Variants in VEGFA observed in about 807,000 individuals in gnomAD.
The protein encoded by VEGFA is vascular endothelial growth factor A.
VEGFA carries 20 observed loss-of-function variants against 49.7 expected under a neutral mutation model. The ratio of observed to expected loss-of-function variants is 0.40; its 90% CI spans 0.28 to 0.58. The LOEUF is 0.58. VEGFA is among the 20% of genes least tolerant of loss of function. VEGFA has a pLI of 0.40. For missense variants in VEGFA, 505 were observed against 553.5 expected, an observed-to-expected ratio of 0.91 and a Z score of 0.88; for synonymous variants, 219 against 223.4, an observed-to-expected ratio of 0.98 and a Z score of 0.18.
At chr6:43,779,503 G>T (rs191946015) in intron 5 of VEGFA, 21 of 378,444 alleles carry the variant, frequency 5.5e-5, no homozygotes, top group African/African-American at 4.0e-4. Context: ...TGGGGTGGGG[G>T]ACAAGGTCTG....
chr6:43,771,688 G>A (rs1395675601), intron 1 of VEGFA, among the ~76,000 whole-genome samples: 1 of 152,168 alleles, frequency 6.6e-6, no homozygotes, highest in African/African-American at 2.4e-5. Context: ...CTGAGCAGCG[G>A]GGGCGGGAGC....
At chr6:43,779,220 C>T (rs1467043901) in intron 5 of VEGFA, 4 of 534,306 alleles carry the variant, frequency 7.5e-6, no homozygotes, top group Non-Finnish European at 1.3e-5. Flanking sequence ...ACTGTGGACA[C>T]TGGCTCACTG....
At chr6:43,779,027 C>G (rs1766414047) in intron 5 of VEGFA, 109 bp downstream of exon 5, 1 of 1,452,528 alleles carries the variant, frequency 6.9e-7, no homozygotes, top group Non-Finnish European at 9.7e-7. Flanking sequence ...GGGTCAGGGA[C>G]TTGGTCTTGT....
intron 7 of VEGFA, chr6:43,783,622 C>T (rs3025035): frequency 0.14 from 20,681 of 152,552 alleles, 1,960 homozygotes; most frequent in African/African-American, 0.27. Context: ...CTCTAACCTC[C>T]CAATACCTTT....
rs3025040 is a variant in VEGFA at position 43,785,314 on chromosome 6, C to T, written c.*752C>T. The stretch of plus-strand genomic sequence containing the variant: ...ATCACAGGTACAGGGATGAGGACAC[C>T]GGCTCTGACCAGGAGTTTGGGGAGC... On this transcript the variant is annotated 3_prime_UTR_variant, in exon 8 of 8. Coordinates refer to ENST00000672860, the MANE Select transcript of VEGFA (RefSeq NM_003376.6). The T allele has an allele frequency of 0.15, 30,575 of 209,370 alleles. 2,376 individuals carry two copies. Among genetic ancestry groups the T allele is most frequent in the East Asian group, 0.19 (2,633 of 14,060 alleles). The allele number at this position is 209,370 out of a possible 1,614,324, so 13.0% of individuals were successfully genotyped here. A position where few individuals can be genotyped will look rare whatever the true frequency, so the allele number is the denominator to read the frequency against.
rs770394875 is a variant in VEGFA at position 43,770,922 on chromosome 6, G to T, written c.216G>T (p.Gly72=). 6.5e-7 allele frequency: 1 copy of T among 1,544,752 alleles called. No homozygotes were observed. The highest frequency in any genetic ancestry group is 8.7e-7 in the Non-Finnish European group (1 of 1,145,504). ...TCGGAGGAGCCGTGGTCCGCGCGGG[G>T]GAAGCCGAGCCGAGCGGAGCCGCGA... Residue 72 remains glycine, a synonymous_variant, in exon 1 of 8, where the codon GGG becomes GGT. Transcript: ENST00000672860.
In VEGFA at chr6:43,770,318, C is replaced by G. The variant is rs1015472518; in HGVS notation, c.-389C>G. On this transcript the variant is annotated 5_prime_UTR_variant, in exon 1 of 8. Transcript: ENST00000672860. ...TAGGTGGACCGGTCAGCGGACTCAC[C>G]GGCCAGGGCGCTCGGTGCTGGAATT... The G allele has an allele frequency of 1.1e-5, 3 of 271,588 alleles. No homozygotes were observed. The highest frequency in any genetic ancestry group is 2.1e-5 in the Non-Finnish European group (3 of 144,358). The allele number at this position is 271,588 out of a possible 1,614,324, so 16.8% of individuals were successfully genotyped here. A position where few individuals can be genotyped will look rare whatever the true frequency, so the allele number is the denominator to read the frequency against.
chr6:43,786,111 C>CTA lies in VEGFA; in HGVS notation c.*1559_*1560dup. The CTA allele has an allele frequency of 5.6e-6, 1 of 178,624 alleles. No individual in the cohort carries two copies. The highest frequency in any genetic ancestry group is 1.2e-5 in the Non-Finnish European group (1 of 83,774). 11.1% of individuals were successfully genotyped at this position (178,624 alleles called of 1,614,324 possible). A position where few individuals can be genotyped will look rare whatever the true frequency, so the allele number is the denominator to read the frequency against. ...TAAGGTTTCAATATACATCTACATA[C>CTA]TATATATATATTTGGCAACTTGTAT... is the stretch of plus-strand genomic sequence containing the variant. On this transcript the variant is annotated 3_prime_UTR_variant, in exon 8 of 8. Transcript: ENST00000672860.
chr6:43,771,370 G>A, intron 1 of VEGFA, 58 bp downstream of exon 1: 1 of 1,563,996 alleles, frequency 6.4e-7, no homozygotes, highest in Admixed American at 1.8e-5. Context: ...TCCCGGCTGG[G>A]GACGTGCGTG....
rs769343461 is a variant in VEGFA, at chr6:43,771,222, C to G, written c.516C>G (p.Ala172=). Residue 172 remains alanine (A), a synonymous_variant, in exon 1 of 8, where the codon GCC becomes GCG. Transcript: ENST00000672860. ...GCCGGAGAGGGAGCGCGAGCCGCGCCGGCCCCGGTCGGGCCTCCGAAACCA... is the reference window on the plus strand; with the variant it reads ...GCCGGAGAGGGAGCGCGAGCCGCGCGGGCCCCGGTCGGGCCTCCGAAACCA... The G allele has an allele frequency of 6.2e-6, 10 of 1,604,946 alleles. No homozygotes were observed. In the South Asian group the frequency reaches 1.1e-4, roughly 18 times the overall value.
intron 2 of VEGFA, chr6:43,777,000 G>C (rs984259926): frequency 3.0e-6 from 1 of 328,416 alleles, no homozygotes; most frequent in African/African-American, 2.1e-5. Context: ...GATGTAGTAA[G>C]TGCTCAATAA....
At chr6:43,780,837 G>C in intron 6 of VEGFA, 34 bp downstream of exon 6, 1 of 1,613,648 alleles carries the variant, frequency 6.2e-7, no homozygotes, top group South Asian at 1.1e-5. Context: ...TAATGCCCTG[G>C]AGCCTCCCTG....
Position 43,777,343 on chromosome 6 carries a change from T to G in VEGFA, c.659-126T>G. 1 of 1,032,954 alleles carries G rather than the reference T, an allele frequency of 9.7e-7. No individual in the cohort carries two copies. Among genetic ancestry groups the G allele is most frequent in the Non-Finnish European group, 1.5e-6 (1 of 681,762 alleles). The allele number at this position is 1,032,954 out of a possible 1,614,324, so 64.0% of individuals were successfully genotyped here. On this transcript the variant is annotated intron_variant, in intron 2 of 7. Coordinates refer to ENST00000672860, the MANE Select transcript of VEGFA (RefSeq NM_003376.6). The surrounding 1 kb of genome is among the most constrained non-coding windows in gnomAD (Gnocchi z 4.3). ...CAAACACAGTAGGAGGGACTTACGT[T>G]AGATTTTGGAAGGACTTGCCTGATT...
At chr6:43,774,732 G>T in intron 2 of VEGFA, 1 of 462,108 alleles carries the variant, frequency 2.2e-6, no homozygotes, top group Non-Finnish European at 4.0e-6. Flanking sequence ...AGCTCCCAGG[G>T]GAGAGTGGAC....
At chr6:43,780,945 A>T (rs1767455844) in intron 6 of VEGFA, 142 bp downstream of exon 6, 1 of 1,591,924 alleles carries the variant, frequency 6.3e-7, no homozygotes, top group Non-Finnish European at 8.6e-7. Context: ...TCTCTCTCTC[A>T]CTCTCTCACT....
At chr6:43,775,766 C>G (rs1765204625) in intron 2 of VEGFA, 1 of 152,172 alleles carries the variant, frequency 6.6e-6, no homozygotes, top group Admixed American at 6.5e-5. Context: ...TTGCCGTAAC[C>G]CTTCGTGGGT....
chr6:43,780,946 C>G, intron 6 of VEGFA, 143 bp downstream of exon 6: 1 of 1,596,760 alleles, frequency 6.3e-7, no homozygotes, highest in Non-Finnish European at 8.6e-7. Context: ...CTCTCTCTCA[C>G]TCTCTCACTC....
chr6:43,778,038 T>C (rs1228473034), intron 3 of VEGFA: 2 of 427,864 alleles, frequency 4.7e-6, no homozygotes, highest in Non-Finnish European at 8.7e-6. Context: ...AAAAGTCTTT[T>C]GGTGTTACCT....
rs1766055756 is a variant in VEGFA, at chr6:43,778,071, CAGAT to C, written c.856-386_856-383del. 6.7e-6 allele frequency: 3 copies of C among 446,676 alleles called. No homozygotes were observed. The South Asian group carries it at 6.8e-5, about 10-fold the overall frequency. The allele number at this position is 446,676 out of a possible 1,614,324, so 27.7% of individuals were successfully genotyped here. A position where few individuals can be genotyped will look rare whatever the true frequency, so the allele number is the denominator to read the frequency against. Reference sequence around the variant, plus strand: ...CCTGGTAATGGGGCACATCTCAGCCCAGATAGGGTGGGAGGGAGCTGTGAAACAC... The same window carrying C: ...CCTGGTAATGGGGCACATCTCAGCCCAGGGTGGGAGGGAGCTGTGAAACAC... On this transcript the variant is annotated intron_variant, in intron 3 of 7. Transcript: ENST00000672860.
Sources: gnomAD v4.1 joint callset for allele counts (sites outside exome capture counted in the v4.1 genomes callset) on GRCh38, gnomAD v4.1.1 for gene constraint, Gnocchi (gnomAD v3.1) non-coding constraint, MANE v1.5 for transcripts, NCBI Gene and HGNC (gene_info 2026-07-23, HGNC 2026-07-21) for gene names.